TMEM132D: variants seen among roughly 807,000 people sequenced by gnomAD.
TMEM132D encodes transmembrane protein 132D, also known as mature OL transmembrane protein.
A neutral mutation model predicts 62.3 loss-of-function variants in TMEM132D; 21 were observed. That is an observed-to-expected ratio of 0.34 (90% CI 0.24 to 0.49). The LOEUF (loss-of-function observed/expected upper bound fraction) is 0.49. Ranked by LOEUF, TMEM132D falls within the 20% of genes least tolerant of loss-of-function variation. The pLI is 0.99. For synonymous variants in TMEM132D, 621 were observed against 575.6 expected (o/e 1.08, Z -1.13); for missense variants, 1,346 against 1,402.8 (o/e 0.96, Z 0.65).
intron 2 of TMEM132D, among the ~76,000 whole-genome samples, chr12:129,621,920 C>T (rs1879081819): frequency 6.6e-6 from 1 of 152,142 alleles, no homozygotes; most frequent in Admixed American, 6.5e-5. Context: ...TTTCTCCTTC[C>T]TTCCTTCCTG....
chr12:129,732,978 G>A (rs1183346738), intron 1 of TMEM132D, among the ~76,000 whole-genome samples: 2 of 152,178 alleles, frequency 1.3e-5, no homozygotes, highest in Non-Finnish European at 2.9e-5. Context: ...GGCTGTGCTG[G>A]GTATCATGGA....
intron 4 of TMEM132D, among the ~76,000 whole-genome samples, chr12:129,235,594 T>C (rs542604097): frequency 4.6e-5 from 7 of 152,202 alleles, no homozygotes; most frequent in South Asian, 2.1e-4. Context: ...CTTGGTTCCA[T>C]ATTCATCAGT....
At chr12:129,502,199 CTG>C (rs1319934082) in intron 3 of TMEM132D, among the ~76,000 whole-genome samples, 1 of 151,964 alleles carries the variant, frequency 6.6e-6, no homozygotes, top group East Asian at 1.9e-4. Flanking sequence ...CGGGGTTTCA[CTG>C]TGTTAGCCAG....
chr12:129,609,042 G>T (rs1878700195), intron 2 of TMEM132D, among the ~76,000 whole-genome samples: 1 of 151,566 alleles, frequency 6.6e-6, no homozygotes, highest in Non-Finnish European at 1.5e-5. Flanking sequence ...CTGGGTTCCA[G>T]CGATTCTCCT....
chr12:129,708,648 C>A (rs1431830837), intron 1 of TMEM132D, among the ~76,000 whole-genome samples: 1 of 134,002 alleles, frequency 7.5e-6, no homozygotes, highest in Non-Finnish European at 1.6e-5. Flanking sequence ...CACACACACA[C>A]ACACACACAG....
intron 1 of TMEM132D, among the ~76,000 whole-genome samples, chr12:129,723,177 C>G: frequency 6.6e-6 from 1 of 152,188 alleles, no homozygotes; most frequent in East Asian, 1.9e-4. Flanking sequence ...CTGTTTAAGT[C>G]TAGGAGAACG....
chr12:129,655,254 T>TG (rs1251161797), intron 2 of TMEM132D, among the ~76,000 whole-genome samples: 8 of 149,534 alleles, frequency 5.3e-5, no homozygotes, highest in Non-Finnish European at 1.2e-4. Flanking sequence ...GCCTTTTTTT[T>TG]TTTTTCTTTT....
rs748436239 is a variant in TMEM132D at position 129,209,622 on chromosome 12, C to T, written c.1341G>A (p.Thr447=). 9 of 1,614,084 alleles carry T rather than the reference C, an allele frequency of 5.6e-6. No homozygotes were observed. The highest frequency in any genetic ancestry group is 2.7e-5 in the African/African-American group (2 of 74,938). Residue 447 remains threonine (T), a synonymous_variant, in exon 5 of 9, where the codon ACG becomes ACA. Transcript: ENST00000422113. ...AGACCACTTTCACCGGGACGGCCAC[C>T]GTCTTCCCCGTGAGGATGGCTGTGT... is the stretch of plus-strand genomic sequence containing the variant. The part of the protein sequence containing the change: ...ILNTAILTGK[T]VAVPVKVVSV...
rs1565974545 is a variant in TMEM132D at position 129,134,115 on chromosome 12, G to GTT, written c.1444-49415_1444-49414dup. 1.7e-4 allele frequency among the ~76,000 whole-genome samples: 6 copies of GTT among 35,084 alleles called. No homozygotes were observed. The South Asian group carries it at 0.01, about 61-fold the overall frequency. 23.0% of individuals were successfully genotyped at this position (35,084 alleles called of 152,430 possible). ...GTGTGTGTGTGTTGTGTGTCTGTGT[G>GTT]TTGTGTGTGTGTGTGTGTCTGTGTG... On this transcript the variant is annotated intron_variant, in intron 5 of 8. Transcript: ENST00000422113.
At chr12:129,250,485 C>G (rs951936582) in intron 4 of TMEM132D, among the ~76,000 whole-genome samples, 6 of 152,178 alleles carry the variant, frequency 3.9e-5, no homozygotes, top group African/African-American at 1.4e-4. Context: ...TCAACAGCGC[C>G]AATCCTTCCT....
intron 2 of TMEM132D, among the ~76,000 whole-genome samples, chr12:129,550,621 G>A (rs534924982): frequency 3.3e-5 from 5 of 152,310 alleles, no homozygotes; most frequent in Admixed American, 3.3e-4. Context: ...TAATGACACT[G>A]GGTGAAAGCT....
At chr12:129,382,822 A>T (rs1262087601) in intron 3 of TMEM132D, among the ~76,000 whole-genome samples, 3 of 152,066 alleles carry the variant, frequency 2.0e-5, no homozygotes, top group Non-Finnish European at 4.4e-5. Flanking sequence ...AGACAGGGGG[A>T]GAAGTCCTAG....
intron 1 of TMEM132D, among the ~76,000 whole-genome samples, chr12:129,703,851 A>G (rs535362254): frequency 6.6e-6 from 1 of 151,574 alleles, no homozygotes; most frequent in Non-Finnish European, 1.5e-5. Flanking sequence ...GGAGGAAGGC[A>G]ATTTGAGCAC....
intron 3 of TMEM132D, among the ~76,000 whole-genome samples, chr12:129,441,815 A>G (rs750826455): frequency 6.6e-6 from 1 of 152,212 alleles, no homozygotes; most frequent in Non-Finnish European, 1.5e-5. Context: ...ATAAAAAAAT[A>G]ATGAAATCAT....
At chr12:129,106,967 G>A (rs951494446) in intron 5 of TMEM132D, among the ~76,000 whole-genome samples, 4 of 152,118 alleles carry the variant, frequency 2.6e-5, no homozygotes, top group African/African-American at 9.7e-5. Flanking sequence ...CTGAGATTCT[G>A]GTGCTGTTTG....
intron 3 of TMEM132D, among the ~76,000 whole-genome samples, chr12:129,452,696 A>C (rs1016618294): frequency 6.7e-6 from 1 of 149,650 alleles, no homozygotes; most frequent in East Asian, 1.9e-4. Flanking sequence ...GAAGAAAAAA[A>C]GAAGAAAAGA....
At chr12:129,828,705 GAGA>G (rs1476163079) in intron 1 of TMEM132D, among the ~76,000 whole-genome samples, 2 of 17,182 alleles carry the variant, frequency 1.2e-4, no homozygotes, top group Non-Finnish European at 2.2e-4. Flanking sequence ...GGGAGGGAGG[GAGA>G]AGGAAGGGAG....
At chr12:129,567,549 T>C (rs1877401547) in intron 2 of TMEM132D, among the ~76,000 whole-genome samples, 2 of 152,124 alleles carry the variant, frequency 1.3e-5, no homozygotes, top group Non-Finnish European at 2.9e-5. Flanking sequence ...ATAAAAACAT[T>C]ATTGCTACAG....
chr12:129,283,864 A>T (rs1881224241), intron 4 of TMEM132D, among the ~76,000 whole-genome samples: 1 of 152,222 alleles, frequency 6.6e-6, no homozygotes, highest in Non-Finnish European at 1.5e-5. Flanking sequence ...CTCTGTGTAC[A>T]TGCACACTGT....
Sources: gnomAD v4.1 joint callset for allele counts (sites outside exome capture counted in the v4.1 genomes callset) on GRCh38, gnomAD v4.1.1 for gene constraint, MANE v1.5 for transcripts, NCBI Gene and HGNC (gene_info 2026-07-23, HGNC 2026-07-21) for gene names.